Variants in FAM83A observed in about 807,000 individuals in gnomAD.
FAM83A encodes scaffolding CK1 anchoring protein A, also known as protein FAM83A.
Under a neutral mutation model 24.4 loss-of-function variants are expected in FAM83A, and 21 were observed. The observed-to-expected ratio is 0.86, with a 90% CI of 0.61 to 1.24. FAM83A has a LOEUF of 1.24. Ranked by LOEUF, FAM83A falls within the 50% of genes most tolerant of loss-of-function variation. FAM83A has a pLI of 0.00. For missense variants in FAM83A, 617 were observed against 579.8 expected (o/e 1.06, Z -0.66); for synonymous variants, 270 against 252.4 (o/e 1.07, Z -0.66).
chr8:123,181,965 C>G (rs190841322), upstream of FAM83A: 1 of 450,406 alleles, frequency 2.2e-6, no homozygotes, highest in South Asian at 1.6e-5. Context: ...GGAAAGAACA[C>G]GTGGTCACTC....
intron 3 of FAM83A, among the ~76,000 whole-genome samples, chr8:123,206,728 G>A (rs924975800): frequency 2.0e-5 from 3 of 152,144 alleles, no homozygotes; most frequent in East Asian, 1.9e-4. Flanking sequence ...CAGTTTTGTC[G>A]TCTGTAAGAG....
At chr8:123,180,804 C>T (rs1486886814), upstream of FAM83A, 1 of 151,854 alleles carries the variant, frequency 6.6e-6, no homozygotes, top group Non-Finnish European at 1.5e-5. Context: ...TGGATTTGTC[C>T]TCTTTGACCT....
At chr8:123,203,863 A>G (rs561433712) in intron 3 of FAM83A, among the ~76,000 whole-genome samples, 1 of 148,518 alleles carries the variant, frequency 6.7e-6, no homozygotes, top group South Asian at 2.2e-4. Context: ...AGGCTGAGGC[A>G]GAAGAAGCGC....
At chr8:123,183,498 C>T (rs976778911) in intron 1 of FAM83A, among the ~76,000 whole-genome samples, 162 bp downstream of exon 1, 1 of 152,038 alleles carries the variant, frequency 6.6e-6, no homozygotes, top group African/African-American at 2.4e-5. Flanking sequence ...GACCACTGAC[C>T]TCCTGATCCC....
upstream of FAM83A, among the ~76,000 whole-genome samples, chr8:123,180,873 A>G (rs41411144): frequency 5.6e-3 from 844 of 152,066 alleles, 8 homozygotes; most frequent in African/African-American, 0.019. Context: ...AAGATTGTGA[A>G]TTGGATTCCT....
exon 4 of FAM83A, chr8:123,207,712 C>A: frequency 6.9e-7 from 1 of 1,448,422 alleles, no homozygotes; most frequent in Non-Finnish European, 9.1e-7. Flanking sequence ...TGCTGCCCTC[C>A]GCAGGCCCAG....
chr8:123,200,923 G>A (rs534198199), intron 3 of FAM83A, among the ~76,000 whole-genome samples: 13 of 150,556 alleles, frequency 8.6e-5, no homozygotes, highest in African/African-American at 3.2e-4. Context: ...TCTAGCCTAG[G>A]TGACAGAGCA....
chr8:123,198,433 T>C (rs1202139126), intron 3 of FAM83A, among the ~76,000 whole-genome samples: 1 of 152,188 alleles, frequency 6.6e-6, no homozygotes. Flanking sequence ...GTGTGCATGA[T>C]GAAAACTGAT....
intron 3 of FAM83A, among the ~76,000 whole-genome samples, chr8:123,202,967 T>C (rs1478443654): frequency 2.6e-5 from 4 of 151,990 alleles, no homozygotes; most frequent in Non-Finnish European, 5.9e-5. Flanking sequence ...ATCAAGACAA[T>C]GTGTCATTGG....
At chr8:123,195,732 A>G (rs1324888651) in intron 3 of FAM83A, among the ~76,000 whole-genome samples, 1 of 152,082 alleles carries the variant, frequency 6.6e-6, no homozygotes, top group Non-Finnish European at 1.5e-5. Flanking sequence ...GTGAAAGTGT[A>G]TCTTTATCCC....
chr8:123,192,403 C>T (rs1824011232), intron 2 of FAM83A, among the ~76,000 whole-genome samples: 1 of 152,212 alleles, frequency 6.6e-6, no homozygotes, highest in African/African-American at 2.4e-5. Flanking sequence ...GGGCAGGCAA[C>T]CTCCAGGGTC....
In FAM83A at chr8:123,207,913, T is replaced by C. The variant is rs3739290; in HGVS notation, c.*225T>C. On this transcript the variant is annotated 3_prime_UTR_variant, in exon 4 of 4. Transcript: ENST00000690554. ...GACCTGTGCAGCACATTCCAGAAGG[T>C]TCCAGGGAGGTTGTGGGGCAGCTAG... 8 of 1,247,328 alleles carry C rather than the reference T, an allele frequency of 6.4e-6. No homozygotes were observed. The East Asian group carries it at 2.5e-4, about 39-fold the overall frequency. 77.3% of individuals were successfully genotyped at this position (1,247,328 alleles called of 1,614,324 possible).
intron 3 of FAM83A, chr8:123,201,764 C>T (rs1824367221): frequency 6.6e-6 from 1 of 152,300 alleles, no homozygotes; most frequent in Non-Finnish European, 1.5e-5. Context: ...CACTGAAGGG[C>T]TGGTTGAGGG....
At chr8:123,182,785 G>A in exon 1 of FAM83A, 7 of 1,490,708 alleles carry the variant, frequency 4.7e-6, no homozygotes, top group Non-Finnish European at 6.3e-6. Flanking sequence ...TCCGTGGTGT[G>A]TTCCATTTGC....
chr8:123,196,697 T>G (rs1222192890), intron 3 of FAM83A, among the ~76,000 whole-genome samples: 1 of 152,202 alleles, frequency 6.6e-6, no homozygotes, highest in African/African-American at 2.4e-5. Flanking sequence ...TCCTATTAAG[T>G]TCGTCAAGGC....
upstream of FAM83A, chr8:123,182,438 C>T: frequency 2.5e-6 from 1 of 392,734 alleles, no homozygotes; most frequent in South Asian, 1.9e-5. Context: ...GCCCATCCTC[C>T]AGCTGGGCTG....
At chr8:123,194,861 C>A (rs755036846) in intron 3 of FAM83A, among the ~76,000 whole-genome samples, 1 of 152,220 alleles carries the variant, frequency 6.6e-6, no homozygotes, top group Non-Finnish European at 1.5e-5. Context: ...GGATTACAGG[C>A]ATGAGCCCCT....
chr8:123,187,388 CCAGACAACCCTTCGCAG>C (rs1436947284), intron 1 of FAM83A, among the ~76,000 whole-genome samples: 1 of 152,164 alleles, frequency 6.6e-6, no homozygotes, highest in Non-Finnish European at 1.5e-5. Context: ...CCACTTCCTC[CCAGACAACCCTTCGCAG>C]CAGATTCACG....
chr8:123,192,082 G>A (rs529782519), intron 2 of FAM83A, 112 bp downstream of exon 2: 31 of 1,282,212 alleles, frequency 2.4e-5, no homozygotes, highest in Non-Finnish European at 3.3e-5. Flanking sequence ...CACAATAAAG[G>A]TTCATTTCTT....
Sources: allele counts gnomAD v4.1 joint callset (sites outside exome capture counted in the v4.1 genomes callset), GRCh38; gene constraint gnomAD v4.1.1; transcripts MANE v1.5; gene names NCBI Gene and HGNC (gene_info 2026-07-23, HGNC 2026-07-21).